SLC2A9: variants seen among roughly 807,000 people sequenced by gnomAD.
SLC2A9 encodes the protein solute carrier family 2, facilitated glucose transporter member 9.
In SLC2A9, 39 loss-of-function variants were observed where a neutral mutation model predicts 50.6. The ratio of observed to expected loss-of-function variants is 0.77; its 90% CI spans 0.60 to 1.01. The LOEUF (loss-of-function observed/expected upper bound fraction) is 1.01, where lower values mean the gene tolerates loss of function less well. Among genes scored for constraint, SLC2A9 ranks in the 50% least tolerant of loss-of-function variants. The pLI is 0.00. For synonymous variants in SLC2A9, 324 were observed against 276.9 expected, an observed-to-expected ratio of 1.17 and a Z score of -1.69; for missense variants, 686 against 677.6, an observed-to-expected ratio of 1.01 and a Z score of -0.14.
rs571159144 is a variant in SLC2A9 at position 9,850,230 on chromosome 4, T to C, written c.1292-15222A>G. 2.6e-5 allele frequency among the ~76,000 whole-genome samples: 4 copies of C among 152,206 alleles called. No individual in the cohort carries two copies. The South Asian group carries it at 6.2e-4, about 24-fold the overall frequency. ...CTCTCACCATGGACCTCCAGAATCC[T>C]AGCAGCAGGATACCCCACAACCCCC... On this transcript the variant is annotated intron_variant, in intron 10 of 11. Transcript: ENST00000264784.
intron 3 of SLC2A9, among the ~76,000 whole-genome samples, chr4:9,816,574 GTGA>G (rs1032705292): frequency 1.3e-5 from 2 of 152,080 alleles, no homozygotes; most frequent in African/African-American, 4.8e-5. Flanking sequence ...AATACATGAG[GTGA>G]TGATATGTTA....
intron 3 of SLC2A9, among the ~76,000 whole-genome samples, chr4:9,809,851 T>G (rs1356955599): frequency 6.6e-6 from 1 of 150,542 alleles, no homozygotes; most frequent in Non-Finnish European, 1.5e-5. Flanking sequence ...AGTTTTCTTT[T>G]CTTTTTTTTT....
intron 4 of SLC2A9, among the ~76,000 whole-genome samples, chr4:9,982,743 T>C (rs1756087815): frequency 6.6e-6 from 1 of 152,236 alleles, no homozygotes; most frequent in Non-Finnish European, 1.5e-5. Flanking sequence ...ATCTGTACTT[T>C]ATTAATTAAG....
At chr4:9,790,109 T>G (rs900617333) in intron 3 of SLC2A9, among the ~76,000 whole-genome samples, 1 of 152,210 alleles carries the variant, frequency 6.6e-6, no homozygotes, top group Non-Finnish European at 1.5e-5. Context: ...TAGTAAGTGA[T>G]AGAAGTGGGA....
At chr4:9,883,372 T>C (rs1363186402) in intron 10 of SLC2A9, among the ~76,000 whole-genome samples, 1 of 152,210 alleles carries the variant, frequency 6.6e-6, no homozygotes, top group Non-Finnish European at 1.5e-5. Context: ...GAAAACAGCA[T>C]AGATTTTTAA....
At chr4:9,861,927 TA>T (rs1207650924) in intron 10 of SLC2A9, among the ~76,000 whole-genome samples, 2 of 152,186 alleles carry the variant, frequency 1.3e-5, no homozygotes, top group African/African-American at 4.8e-5. Flanking sequence ...GTATTGAAAG[TA>T]AAATTCCTGA....
At chr4:9,816,746 G>A (rs1157069050) in intron 3 of SLC2A9, among the ~76,000 whole-genome samples, 2 of 151,934 alleles carry the variant, frequency 1.3e-5, no homozygotes, top group South Asian at 2.1e-4. Context: ...CTGAAAAAAT[G>A]GAAATCTGGG....
At chr4:10,003,388 G>C (rs1437195545) in intron 2 of SLC2A9, among the ~76,000 whole-genome samples, 2 of 152,218 alleles carry the variant, frequency 1.3e-5, no homozygotes, top group African/African-American at 4.8e-5. Flanking sequence ...TGGGAAAAGA[G>C]AGGGTTTTCA....
intron 8 of SLC2A9, among the ~76,000 whole-genome samples, chr4:9,893,079 A>G (rs989237714): frequency 6.6e-6 from 1 of 152,170 alleles, no homozygotes; most frequent in African/African-American, 2.4e-5. Flanking sequence ...ATCACCTACA[A>G]AATCTTTTCT....
At chr4:10,010,463 G>A (rs1032235236) in intron 2 of SLC2A9, among the ~76,000 whole-genome samples, 1 of 152,156 alleles carries the variant, frequency 6.6e-6, no homozygotes, top group African/African-American at 2.4e-5. Flanking sequence ...ATATGTTCAC[G>A]GAACCCCTGA....
downstream of SLC2A9, among the ~76,000 whole-genome samples, chr4:9,821,827 T>C (rs552912088): frequency 4.6e-5 from 7 of 152,314 alleles, no homozygotes; most frequent in South Asian, 4.1e-4. Flanking sequence ...TCCCTCAGTA[T>C]TTGGTAGAAT....
At chr4:9,827,987 A>T (rs1326300960) in intron 11 of SLC2A9, among the ~76,000 whole-genome samples, 1 of 152,176 alleles carries the variant, frequency 6.6e-6, no homozygotes, top group African/African-American at 2.4e-5. Flanking sequence ...ATGAAATGAG[A>T]TATATCAATT....
At chr4:9,903,865 T>C (rs1337820066) in intron 8 of SLC2A9, among the ~76,000 whole-genome samples, 1 of 147,424 alleles carries the variant, frequency 6.8e-6, no homozygotes, top group Non-Finnish European at 1.5e-5. Flanking sequence ...ATATATTTTA[T>C]ATATTATAAA....
At chr4:9,779,143 G>T (rs753053506), downstream of SLC2A9, among the ~76,000 whole-genome samples, 6 of 152,076 alleles carry the variant, frequency 3.9e-5, no homozygotes, top group Non-Finnish European at 5.9e-5. Flanking sequence ...GAGATCAAGC[G>T]ACCTGCCCAA....
At chr4:9,931,274 AG>A (rs1443051510) in intron 6 of SLC2A9, among the ~76,000 whole-genome samples, 1 of 152,168 alleles carries the variant, frequency 6.6e-6, no homozygotes, top group Non-Finnish European at 1.5e-5. Context: ...GCATATTCCT[AG>A]CCATGTTCTA....
At position 9,917,325 on chromosome 4, in the gene SLC2A9, CTT is replaced by C. The variant is rs55927201; in HGVS notation, c.1002+3058_1002+3059del. 7.2e-3 allele frequency among the ~76,000 whole-genome samples: 585 copies of C among 81,788 alleles called. 2 individuals carry two copies. Among genetic ancestry groups the C allele is most frequent in the African/African-American group, 0.028 (552 of 19,748 alleles). The allele number at this position is 81,788 out of a possible 152,430, so 53.7% of individuals were successfully genotyped here. A position where few individuals can be genotyped will look rare whatever the true frequency, so the allele number is the denominator to read the frequency against. Reference sequence around the variant, plus strand: ...CAACTTTTGAATAATTTCTTTTTTCCTTTTTTTTTTTTTTTTTTTTTTTTTGT... The same window carrying C: ...CAACTTTTGAATAATTTCTTTTTTCCTTTTTTTTTTTTTTTTTTTTTTTGT... On this transcript the variant is annotated intron_variant, in intron 7 of 11. Transcript: ENST00000264784.
Position 9,874,065 on chromosome 4 carries a change from C to T in SLC2A9, c.1291+13502G>A, listed in dbSNP as rs181311475. Among the ~76,000 whole-genome samples the T allele has an allele frequency of 3.9e-5, 6 of 152,308 alleles. No individual in the cohort carries two copies. The East Asian group carries it at 1.2e-3, about 29-fold the overall frequency. The stretch of plus-strand genomic sequence containing the variant: ...GAGGCCCACGATGATCTGGCCACCA[C>T]TTTCCCTGCACCCTGATGTCCCCTG... On this transcript the variant is annotated intron_variant, in intron 10 of 11. Transcript: ENST00000264784.
downstream of SLC2A9, chr4:9,798,597 G>A (rs1269949583): frequency 1.3e-5 from 2 of 152,148 alleles, no homozygotes; most frequent in African/African-American, 4.8e-5. Flanking sequence ...AGGGCCTTCA[G>A]TTGGAAAGTG....
chr4:9,935,248 G>A (rs1746854908), intron 6 of SLC2A9, among the ~76,000 whole-genome samples: 1 of 152,208 alleles, frequency 6.6e-6, no homozygotes, highest in Non-Finnish European at 1.5e-5. Context: ...CTTCCTCAAT[G>A]GTTGAACTAA....
Sources: gnomAD v4.1 joint callset for allele counts (sites outside exome capture counted in the v4.1 genomes callset) on GRCh38, gnomAD v4.1.1 for gene constraint, MANE v1.5 for transcripts, NCBI Gene and HGNC (gene_info 2026-07-23, HGNC 2026-07-21) for gene names.